The following RSRC1 variants were observed in gnomAD, a reference collection of about 807,000 sequenced individuals.
The protein encoded by RSRC1 is serine/Arginine-related protein 53.
RSRC1 carries 39 observed loss-of-function variants against 49.1 expected under a neutral mutation model. That is an observed-to-expected ratio of 0.79 (90% CI 0.61 to 1.04). RSRC1 has a LOEUF of 1.04. Ranked by LOEUF, RSRC1 falls within the 50% of genes least tolerant of loss-of-function variation. The pLI, the probability that RSRC1 is intolerant of heterozygous loss-of-function variation, is 0.00. For synonymous variants in RSRC1, 143 were observed against 130.8 expected, an observed-to-expected ratio of 1.09 and a Z score of -0.63; for missense variants, 388 against 402.4, an observed-to-expected ratio of 0.96 and a Z score of 0.31.
At chr3:158,270,505 T>C (rs1288585935) in intron 4 of RSRC1, among the ~76,000 whole-genome samples, 1 of 152,208 alleles carries the variant, frequency 6.6e-6, no homozygotes, top group Non-Finnish European at 1.5e-5. Flanking sequence ...GTTTTACATA[T>C]TGTAGTCATG....
intron 7 of RSRC1, among the ~76,000 whole-genome samples, chr3:158,514,033 G>A (rs1322025252): frequency 1.3e-5 from 2 of 152,060 alleles, no homozygotes; most frequent in Non-Finnish European, 2.9e-5. Context: ...CTTGCTAGCG[G>A]TCTATCAATT....
chr3:158,235,028 A>G (rs1723164114), intron 4 of RSRC1, among the ~76,000 whole-genome samples: 1 of 152,178 alleles, frequency 6.6e-6, no homozygotes, highest in Admixed American at 6.6e-5. Flanking sequence ...CAGCAGGGTT[A>G]CACAGATGGA....
chr3:158,248,700 C>T lies in RSRC1; in HGVS notation c.494+45455C>T, dbSNP rs548878794. On this transcript the variant is annotated intron_variant, in intron 4 of 9. Coordinates refer to ENST00000611884, the MANE Select transcript of RSRC1 (RefSeq NM_001271838.2). ...GCAACCTCCGCCTCCTGGGTTCAAG[C>T]AATTCTCCTGCCTCAGCCTCCTGAG... Among the ~76,000 whole-genome samples, 3 of 151,854 alleles carry T rather than the reference C, an allele frequency of 2.0e-5. No homozygotes were observed. In the East Asian group the frequency reaches 5.8e-4, roughly 29 times the overall value.
At chr3:158,500,231 G>T (rs1739528946) in intron 7 of RSRC1, among the ~76,000 whole-genome samples, 1 of 152,056 alleles carries the variant, frequency 6.6e-6, no homozygotes. Context: ...CATCATGGTG[G>T]GTTATCTTTT....
At chr3:158,373,004 G>T (rs764792858) in intron 6 of RSRC1, among the ~76,000 whole-genome samples, 2 of 151,518 alleles carry the variant, frequency 1.3e-5, no homozygotes, top group East Asian at 1.9e-4. Flanking sequence ...TTCATTGTTG[G>T]TATATAGAAA....
At chr3:158,183,493 A>C (rs1241696847) in intron 3 of RSRC1, among the ~76,000 whole-genome samples, 1 of 152,160 alleles carries the variant, frequency 6.6e-6, no homozygotes, top group Non-Finnish European at 1.5e-5. Flanking sequence ...TTTTTGCTTA[A>C]AAAGTAAAAT....
chr3:158,369,979 T>A (rs1334607513), intron 6 of RSRC1, among the ~76,000 whole-genome samples: 1 of 151,986 alleles, frequency 6.6e-6, no homozygotes, highest in East Asian at 1.9e-4. Context: ...TTTCCTTTTT[T>A]AAAATAATAT....
intron 6 of RSRC1, among the ~76,000 whole-genome samples, chr3:158,406,897 G>A (rs1382952364): frequency 7.9e-5 from 12 of 152,106 alleles, no homozygotes; most frequent in Non-Finnish European, 1.6e-4. Context: ...GGCTTCTGCT[G>A]TGTTGCCTTG....
At chr3:158,211,946 ACTTT>A (rs1721701869) in intron 4 of RSRC1, among the ~76,000 whole-genome samples, 1 of 151,830 alleles carries the variant, frequency 6.6e-6, no homozygotes, top group Non-Finnish European at 1.5e-5. Context: ...AGTCTGAAAT[ACTTT>A]CTTCTCTACT....
chr3:158,373,060 A>G (rs1732166157), intron 6 of RSRC1, among the ~76,000 whole-genome samples: 1 of 151,850 alleles, frequency 6.6e-6, no homozygotes, highest in African/African-American at 2.4e-5. Flanking sequence ...CAATTTTGTC[A>G]AACTCACTTA....
intron 6 of RSRC1, among the ~76,000 whole-genome samples, chr3:158,445,638 G>A (rs375534658): frequency 4.6e-5 from 7 of 151,862 alleles, no homozygotes; most frequent in Admixed American, 6.6e-5. Flanking sequence ...ATGTACCCTC[G>A]AACTTATAAC....
At chr3:158,168,732 G>A (rs938736285) in intron 3 of RSRC1, among the ~76,000 whole-genome samples, 2 of 152,082 alleles carry the variant, frequency 1.3e-5, no homozygotes, top group Admixed American at 6.6e-5. Context: ...ATGATACTTG[G>A]TTTCTTGGCT....
At chr3:158,226,448 TAG>T (rs1160671416) in intron 4 of RSRC1, among the ~76,000 whole-genome samples, 1 of 151,984 alleles carries the variant, frequency 6.6e-6, no homozygotes, top group Non-Finnish European at 1.5e-5. Flanking sequence ...CCCTTTACAT[TAG>T]AGTCTTTCCA....
chr3:158,400,089 G>A (rs1232978558), intron 6 of RSRC1, among the ~76,000 whole-genome samples: 2 of 152,102 alleles, frequency 1.3e-5, no homozygotes, highest in East Asian at 3.9e-4. Context: ...ATACTGTAGA[G>A]TTACATACAG....
intron 7 of RSRC1, among the ~76,000 whole-genome samples, chr3:158,515,415 T>A (rs1740459465): frequency 7.7e-6 from 1 of 129,110 alleles, no homozygotes; most frequent in Admixed American, 7.8e-5. Flanking sequence ...TTAAGAATGT[T>A]GAATATTGGC....
intron 4 of RSRC1, among the ~76,000 whole-genome samples, chr3:158,239,121 C>T (rs1381427424): frequency 1.3e-5 from 2 of 152,164 alleles, no homozygotes; most frequent in Non-Finnish European, 2.9e-5. Context: ...TGCTCATCAT[C>T]ACTGGTCATC....
At chr3:158,358,951 C>CACA (rs71144457) in intron 6 of RSRC1, among the ~76,000 whole-genome samples, 1 of 144,852 alleles carries the variant, frequency 6.9e-6, no homozygotes, top group Non-Finnish European at 1.5e-5. Context: ...CACACACACA[C>CACA]AACTTATTAA....
intron 3 of RSRC1, among the ~76,000 whole-genome samples, chr3:158,173,288 T>G (rs559820486): frequency 3.3e-5 from 5 of 152,134 alleles, no homozygotes; most frequent in African/African-American, 9.6e-5. Context: ...TAACTCAATT[T>G]TTCAGTGTCT....
rs539858699 is a variant in RSRC1 at position 158,498,177 on chromosome 3, A to G, written c.652+37174A>G. 1.3e-5 allele frequency among the ~76,000 whole-genome samples: 2 copies of G among 151,222 alleles called. 1 individual carries two copies. The highest frequency in any genetic ancestry group is 4.9e-5 in the African/African-American group (2 of 41,220). The stretch of plus-strand genomic sequence containing the variant: ...TTTTCCATAGCAGCTGTATTAGTTT[A>G]CATTCCCACTAGCAGTGTAGAAGTG... On this transcript the variant is annotated intron_variant, in intron 7 of 9. Transcript: ENST00000611884.
Sources: gnomAD v4.1 joint callset for allele counts (sites outside exome capture counted in the v4.1 genomes callset) on GRCh38, gnomAD v4.1.1 for gene constraint, MANE v1.5 for transcripts, NCBI Gene and HGNC (gene_info 2026-07-23, HGNC 2026-07-21) for gene names.